FAAH2: variants seen among roughly 807,000 people sequenced by gnomAD.
The protein encoded by FAAH2 is fatty acid amide hydrolase 2, also known as fatty-acid amide hydrolase 2.
Under a neutral mutation model 36.9 loss-of-function variants are expected in FAAH2, and 60 were observed. The observed-to-expected ratio is 1.63, with a 90% CI of 1.32 to 2.02. FAAH2 has a LOEUF of 2.02. FAAH2 is among the 30% of genes most tolerant of loss of function. The pLI is 0.00. For synonymous variants in FAAH2, 214 were observed against 143.8 expected (o/e 1.49, Z -3.49); for missense variants, 689 against 397.5 (o/e 1.73, Z -6.23).
rs185028290 is a variant in FAAH2 at position 57,459,667 on chromosome X, C to T, written c.1423+10949C>T. Among the ~76,000 whole-genome samples, 434 of 112,546 alleles carry T rather than the reference C, an allele frequency of 3.9e-3. 2 individuals carry two copies. Among genetic ancestry groups the T allele is most frequent in the African/African-American group, 0.013 (418 of 30,991 alleles). On this transcript the variant is annotated intron_variant, in intron 10 of 10. Coordinates refer to ENST00000374900, the MANE Select transcript of FAAH2 (RefSeq NM_174912.4). ...AGGAAGAAGCAGGCAGCAATCTTTG[C>T]TGTTCTGCAGCCTCTGCTGGTGATA...
chrX:57,186,637 T>C, the FAAH2 span, among the ~76,000 whole-genome samples: 35 of 112,105 alleles, frequency 3.1e-4, no homozygotes, highest in African/African-American at 1.1e-3. Flanking sequence ...AGTCTTTGCC[T>C]ATGTTTATTT....
chrX:57,171,935 C>G, the FAAH2 span, among the ~76,000 whole-genome samples: 1 of 111,722 alleles, frequency 9.0e-6, no homozygotes, highest in Non-Finnish European at 1.9e-5. Context: ...GATTTCTGTA[C>G]AAGGTAAGCA....
At chrX:57,226,733 C>T in the FAAH2 span, among the ~76,000 whole-genome samples, 1 of 112,229 alleles carries the variant, frequency 8.9e-6, no homozygotes, top group South Asian at 3.7e-4. Context: ...TGATTATTCC[C>T]CTAAATATGT....
chrX:57,470,743 T>C (rs2057149957), intron 10 of FAAH2, among the ~76,000 whole-genome samples: 1 of 111,435 alleles, frequency 9.0e-6, no homozygotes, highest in African/African-American at 3.3e-5. Flanking sequence ...CCTAACTCAT[T>C]TTATGAGGCC....
chrX:57,392,000 G>T (rs1199963745), intron 7 of FAAH2, among the ~76,000 whole-genome samples: 1 of 110,473 alleles, frequency 9.1e-6, no homozygotes, highest in African/African-American at 3.3e-5. Context: ...TCAGTGTTTT[G>T]TATTTCTCCT....
intron 8 of FAAH2, among the ~76,000 whole-genome samples, chrX:57,444,862 C>T (rs2056640184): frequency 8.9e-6 from 1 of 111,952 alleles, no homozygotes; most frequent in Non-Finnish European, 1.9e-5. Flanking sequence ...AAAAATGTCT[C>T]TGACGGAATT....
chrX:57,330,612 C>G lies in FAAH2; in HGVS notation c.413-986C>G, dbSNP rs553741543. ...ACACCCTATTTGTATACTCCCTCCCCTTTTGAACGTCCCTAATAAAAACTT... is the reference window on the plus strand; with the variant it reads ...ACACCCTATTTGTATACTCCCTCCCGTTTTGAACGTCCCTAATAAAAACTT... On this transcript the variant is annotated intron_variant, in intron 3 of 10. Transcript: ENST00000374900. 4.5e-5 allele frequency among the ~76,000 whole-genome samples: 5 copies of G among 111,542 alleles called. No individual in the cohort carries two copies. The South Asian group carries it at 1.9e-3, about 42-fold the overall frequency.
intron 3 of FAAH2, among the ~76,000 whole-genome samples, chrX:57,316,965 G>A (rs2146926115): frequency 9.0e-6 from 1 of 111,641 alleles, no homozygotes; most frequent in Non-Finnish European, 1.9e-5. Flanking sequence ...TACAGATTGG[G>A]AGGAAATATT....
the FAAH2 span, chrX:57,127,384 G>C: frequency 9.0e-6 from 1 of 110,861 alleles, no homozygotes; most frequent in Non-Finnish European, 1.9e-5. Flanking sequence ...AATATACCAG[G>C]ATTAGCAAAT....
At chrX:57,394,283 G>T in intron 7 of FAAH2, 1 of 911,031 alleles carries the variant, frequency 1.1e-6, no homozygotes, top group Non-Finnish European at 1.6e-6. Flanking sequence ...GATTGTAGTC[G>T]TGCTTTTCCC....
the FAAH2 span, among the ~76,000 whole-genome samples, chrX:57,166,776 A>G: frequency 8.9e-6 from 1 of 111,780 alleles, no homozygotes; most frequent in African/African-American, 3.3e-5. Flanking sequence ...TGAGTTCACT[A>G]TCTTTGGTTT....
intron 10 of FAAH2, among the ~76,000 whole-genome samples, chrX:57,467,695 G>A (rs1204916080): frequency 8.9e-6 from 1 of 112,015 alleles, no homozygotes; most frequent in Non-Finnish European, 1.9e-5. Context: ...CCAAACAAAA[G>A]GCAGCAGAAA....
chrX:57,219,856 G>T, the FAAH2 span, among the ~76,000 whole-genome samples: 2 of 79,346 alleles, frequency 2.5e-5, no homozygotes, highest in African/African-American at 6.8e-5. Context: ...TGCCCTAAGC[G>T]CCTTGTCTTT....
At chrX:57,192,514 C>G in the FAAH2 span, among the ~76,000 whole-genome samples, 11 of 111,338 alleles carry the variant, frequency 9.9e-5, no homozygotes, top group African/African-American at 3.3e-4. Context: ...AAGTGAGTAT[C>G]CTTGTTGTGT....
intron 7 of FAAH2, among the ~76,000 whole-genome samples, chrX:57,381,953 A>G (rs2054862704): frequency 9.0e-6 from 1 of 111,723 alleles, no homozygotes; most frequent in African/African-American, 3.3e-5. Flanking sequence ...AACGTAAAAG[A>G]ACAGAAATTA....
the FAAH2 span, among the ~76,000 whole-genome samples, chrX:57,174,577 C>A: frequency 9.0e-6 from 1 of 111,095 alleles, no homozygotes; most frequent in East Asian, 2.8e-4. Context: ...GAATCAAATT[C>A]ATTTAGTTCT....
chrX:57,427,821 G>A (rs774228685), intron 7 of FAAH2, among the ~76,000 whole-genome samples: 94 of 91,099 alleles, frequency 1.0e-3, no homozygotes, highest in Middle Eastern at 0.01. Flanking sequence ...AAAGTTGAAA[G>A]CATTCTTTCT....
the FAAH2 span, among the ~76,000 whole-genome samples, chrX:57,231,046 TGTGTGTGTGTGTGTGTGTGTGA>T: frequency 3.7e-5 from 4 of 107,479 alleles, no homozygotes; most frequent in Non-Finnish European, 7.7e-5. Flanking sequence ...TGTGTGTGTG[TGTGTGTGTGTGTGTGTGTGTGA>T]GTGTGTGTGT....
the FAAH2 span, among the ~76,000 whole-genome samples, chrX:57,168,733 G>T: frequency 9.0e-6 from 1 of 111,526 alleles, no homozygotes; most frequent in African/African-American, 3.3e-5. Flanking sequence ...AGTCTTGCAG[G>T]CTCCACTCAT....
Sources: gnomAD v4.1 joint callset for allele counts (sites outside exome capture counted in the v4.1 genomes callset) on GRCh38, gnomAD v4.1.1 for gene constraint, MANE v1.5 for transcripts, NCBI Gene and HGNC (gene_info 2026-07-23, HGNC 2026-07-21) for gene names.